Variants in HERC2 observed in about 807,000 individuals in gnomAD.
The protein encoded by HERC2 is E3 ubiquitin-protein ligase HERC2.
HERC2 carries 102 observed loss-of-function variants against 537.7 expected under a neutral mutation model. The observed-to-expected ratio is 0.19, with a 90% CI of 0.16 to 0.22. The LOEUF (loss-of-function observed/expected upper bound fraction) is 0.22, where lower values mean the gene tolerates loss of function less well. HERC2 is among the 10% of genes least tolerant of loss of function. The probability of loss-of-function intolerance (pLI) is 1.00; values close to 1 mark genes in which losing one functional copy is unlikely to be tolerated. For synonymous variants in HERC2, 2,224 were observed against 2,466.2 expected (o/e 0.90, Z 2.91); for missense variants, 4,236 against 6,198.2 (o/e 0.68, Z 10.63).
intron 2 of HERC2, among the ~76,000 whole-genome samples, chr15:28,301,762 T>C (rs1167889252): frequency 8.5e-6 from 1 of 117,652 alleles, no homozygotes; most frequent in African/African-American, 3.6e-5. Context: ...TATATATATA[T>C]ATATATATAT....
chr15:28,270,367 C>T (rs934000102), intron 10 of HERC2, among the ~76,000 whole-genome samples: 17 of 151,758 alleles, frequency 1.1e-4, no homozygotes, highest in African/African-American at 3.4e-4. Context: ...TAAGACAGTC[C>T]GCGTTCAGAG....
At chr15:28,144,900 G>A (rs1891583077) in intron 71 of HERC2, 96 bp from the exon 72 acceptor site, 13 of 1,516,738 alleles carry the variant, frequency 8.6e-6, no homozygotes, top group Admixed American at 5.3e-5. Context: ...TCCGTCACGT[G>A]TGAAGAGCAA....
rs1156848495 is a variant in HERC2 at position 28,196,716 on chromosome 15, T to G, written c.8012-147A>C. ...CTTTTAGAGATAGGTACTAAAATGC[T>G]TATGGATGAACTAATACATGATGTC... On this transcript the variant is annotated intron_variant, in intron 50 of 92. Coordinates refer to ENST00000261609, the MANE Select transcript of HERC2 (RefSeq NM_004667.6). 5.1e-6 allele frequency: 3 copies of G among 586,030 alleles called. No individual in the cohort carries two copies. The African/African-American group carries it at 5.6e-5, about 11-fold the overall frequency. The allele number at this position is 586,030 out of a possible 1,614,324, so 36.3% of individuals were successfully genotyped here. A position where few individuals can be genotyped will look rare whatever the true frequency, so the allele number is the denominator to read the frequency against.
chr15:28,258,291 G>A (rs535154448), intron 16 of HERC2, among the ~76,000 whole-genome samples: 46 of 152,196 alleles, frequency 3.0e-4, no homozygotes, highest in African/African-American at 1.1e-3. Context: ...CCAACATGGA[G>A]AAACCCCATC....
chr15:28,120,487 C>A (rs886267124), intron 86 of HERC2, among the ~76,000 whole-genome samples: 1 of 152,176 alleles, frequency 6.6e-6, no homozygotes, highest in Non-Finnish European at 1.5e-5. Context: ...AAGTTCTGCA[C>A]GCTATCATCA....
intron 27 of HERC2, 82 bp from the exon 28 acceptor site, chr15:28,233,878 C>T (rs1397781171): frequency 6.5e-6 from 8 of 1,228,138 alleles, no homozygotes; most frequent in Admixed American, 3.5e-5. Flanking sequence ...GCTTCTGACG[C>T]ACTTGCAATC....
intron 70 of HERC2, 26 bp from the exon 71 acceptor site, chr15:28,146,370 T>C (rs770040262): frequency 4.7e-6 from 7 of 1,493,326 alleles, no homozygotes; most frequent in South Asian, 3.4e-5. Flanking sequence ...GCACAAAACA[T>C]AGCAACCACT....
chr15:28,186,188 A>G (rs1896292547), intron 56 of HERC2, among the ~76,000 whole-genome samples: 1 of 152,220 alleles, frequency 6.6e-6, no homozygotes, highest in African/African-American at 2.4e-5. Context: ...AAAAATAAAT[A>G]CATTTTTTGA....
chr15:28,316,589 G>T (rs2077092589), intron 2 of HERC2, among the ~76,000 whole-genome samples: 1 of 152,278 alleles, frequency 6.6e-6, no homozygotes, highest in Middle Eastern at 3.4e-3. Context: ...TTGTTCTATT[G>T]AGGCACCAGT....
At position 28,212,691 on chromosome 15, in the gene HERC2, C is replaced by T. The variant is rs190392407; in HGVS notation, c.6787-108G>A. On this transcript the variant is annotated intron_variant, in intron 42 of 92. Transcript: ENST00000261609. ...TTAATCCTGAAATGCCACACATACCCGTAAGCCTTTTATAGCTGAGAATAA... is the reference window on the plus strand; with the variant it reads ...TTAATCCTGAAATGCCACACATACCTGTAAGCCTTTTATAGCTGAGAATAA... The T allele has an allele frequency of 4.9e-4, 578 of 1,178,858 alleles. 1 individual carries two copies. The African/African-American group carries it at 5.9e-3, about 12-fold the overall frequency. 73.0% of individuals were successfully genotyped at this position (1,178,858 alleles called of 1,614,324 possible).
rs1388550430 is a variant in HERC2 at position 28,141,913 on chromosome 15, G to GA, written c.11701-68dup. 28 of 1,217,872 alleles carry GA rather than the reference G, an allele frequency of 2.3e-5. No individual in the cohort carries two copies. In the East Asian group the frequency reaches 6.5e-4, roughly 28 times the overall value. The allele number at this position is 1,217,872 out of a possible 1,614,324, so 75.4% of individuals were successfully genotyped here. On this transcript the variant is annotated intron_variant, in intron 76 of 92. Transcript: ENST00000261609. ...TCAAACAAAATAGATAAATACTAAG[G>GA]AAAGACAGAAGGAATCCCTGCCTAA...
intron 3 of HERC2, among the ~76,000 whole-genome samples, chr15:28,297,163 T>A (rs1433733532): frequency 6.6e-6 from 1 of 152,212 alleles, no homozygotes; most frequent in Non-Finnish European, 1.5e-5. Flanking sequence ...ACTTTCTGAG[T>A]TGATTCCATG....
intron 20 of HERC2, among the ~76,000 whole-genome samples, chr15:28,248,980 G>A (rs545410826): frequency 1.3e-5 from 2 of 152,208 alleles, no homozygotes; most frequent in African/African-American, 2.4e-5. Context: ...ACTAATGTGC[G>A]CCTATGGAGC....
At chr15:28,315,709 G>A (rs2077063757) in intron 2 of HERC2, 7 of 878,504 alleles carry the variant, frequency 8.0e-6, no homozygotes, top group African/African-American at 1.6e-5. Flanking sequence ...GCCAAGTGGA[G>A]GAAGAAGCGA....
chr15:28,126,025 T>C (rs1273609540), intron 83 of HERC2, among the ~76,000 whole-genome samples: 5 of 152,222 alleles, frequency 3.3e-5, no homozygotes, highest in African/African-American at 1.2e-4. Flanking sequence ...TGGGTCAGGC[T>C]GGTCTCGAAC....
rs1017306147 is a variant in HERC2, at chr15:28,260,891, C to A, written c.2202G>T (p.Gly734=). Residue 734 remains glycine (G), a synonymous_variant, in exon 16 of 93, where the codon GGG becomes GGT. Coordinates refer to ENST00000261609, the MANE Select transcript of HERC2 (RefSeq NM_004667.6). ...CAAAGTGCTGGCACTGGTCGTTGCT[C>A]CCCCAGCTGTGGACCTCGCTGTCCT... The part of the protein sequence containing the change: ...LTEDSEVHSW[G]SNDQCQHFDT... 1 of 1,614,160 alleles carries A rather than the reference C, an allele frequency of 6.2e-7. No homozygotes were observed. Among genetic ancestry groups the A allele is most frequent in the Non-Finnish European group, 8.5e-7 (1 of 1,180,014 alleles).
intron 81 of HERC2, 45 bp downstream of exon 81, chr15:28,132,055 G>A (rs764813957): frequency 2.8e-5 from 41 of 1,476,818 alleles, no homozygotes; most frequent in Non-Finnish European, 3.5e-5. Context: ...GGGCCCGACT[G>A]CGGTGAGCTG....
chr15:28,311,076 CAAAA>C (rs71132854), intron 2 of HERC2, among the ~76,000 whole-genome samples: 22 of 29,284 alleles, frequency 7.5e-4, no homozygotes, highest in South Asian at 3.8e-3. Context: ...GACTGCATCT[CAAAA>C]AAAAAAAAAA....
chr15:28,125,018 T>A lies in HERC2; in HGVS notation c.12978A>T (p.Lys4326Asn). The change falls in exon 84 of 93, where the codon AAA becomes AAT. Residue 4326 changes from lysine (K) to asparagine (N), a missense_variant. Transcript: ENST00000261609. ...TGCCCGGACTCACCTGTGCAGGGAGTTTGCCAGCACTGGCGGGCTTGCTGG... is the reference window on the plus strand; with the variant it reads ...TGCCCGGACTCACCTGTGCAGGGAGATTGCCAGCACTGGCGGGCTTGCTGG... ...WSTSKPASAG[K>N]LPAQVPMEYN... The A allele has an allele frequency of 6.2e-7, 1 of 1,601,000 alleles. No individual in the cohort carries two copies.
Sources: allele counts gnomAD v4.1 joint callset (sites outside exome capture counted in the v4.1 genomes callset), GRCh38; gene constraint gnomAD v4.1.1; transcripts MANE v1.5; gene names NCBI Gene and HGNC (gene_info 2026-07-23, HGNC 2026-07-21).